The following SUCLG1 variants were observed in gnomAD, a reference collection of about 807,000 sequenced individuals.
SUCLG1 encodes succinate--CoA ligase [ADP/GDP-forming] subunit alpha, mitochondrial.
Under a neutral mutation model 37.3 loss-of-function variants are expected in SUCLG1, and 26 were observed. The ratio of observed to expected loss-of-function variants is 0.70; its 90% CI spans 0.51 to 0.97. The LOEUF (loss-of-function observed/expected upper bound fraction) is 0.97, where lower values mean the gene tolerates loss of function less well. SUCLG1 is among the 50% of genes least tolerant of loss of function. The pLI is 0.00. For missense variants in SUCLG1, 433 were observed against 432.9 expected (o/e 1.00, Z 0.00); for synonymous variants, 163 against 155.6 (o/e 1.05, Z -0.36).
At position 84,459,107 on chromosome 2, in the gene SUCLG1, A is replaced by G. The variant is rs572233395; in HGVS notation, c.97+66T>C. On this transcript the variant is annotated intron_variant, in intron 1 of 8. Transcript: ENST00000393868. ...TGAGGGCCCAGCCGCGGCCTGGGCC[A>G]GGAGGTTGGGTCCGGCGGGGCCAAT... 6.7e-5 allele frequency: 99 copies of G among 1,480,390 alleles called. 1 individual carries two copies. In the East Asian group the frequency reaches 2.5e-3, roughly 37 times the overall value. The allele number at this position is 1,480,390 out of a possible 1,614,324, so 91.7% of individuals were successfully genotyped here. A position where few individuals can be genotyped will look rare whatever the true frequency, so the allele number is the denominator to read the frequency against.
At chr2:84,442,107 C>T (rs1327594885) in intron 3 of SUCLG1, among the ~76,000 whole-genome samples, 2 of 150,134 alleles carry the variant, frequency 1.3e-5, no homozygotes, top group Non-Finnish European at 3.0e-5. Flanking sequence ...TTCCAAATGT[C>T]ACAACTATTT....
At chr2:84,454,104 G>A (rs1262132947) in intron 1 of SUCLG1, among the ~76,000 whole-genome samples, 1 of 151,926 alleles carries the variant, frequency 6.6e-6, no homozygotes, top group Non-Finnish European at 1.5e-5. Context: ...CCCAAAACTG[G>A]GTTTACAACC....
chr2:84,446,749 T>A (rs1672858525), intron 2 of SUCLG1, among the ~76,000 whole-genome samples: 1 of 152,124 alleles, frequency 6.6e-6, no homozygotes, highest in South Asian at 2.1e-4. Context: ...TTTAAAAAAG[T>A]AAAAATGTTT....
At chr2:84,443,583 T>C (rs1314693329) in intron 2 of SUCLG1, among the ~76,000 whole-genome samples, 183 bp from the exon 3 acceptor site, 3 of 152,194 alleles carry the variant, frequency 2.0e-5, no homozygotes, top group Admixed American at 6.5e-5. Context: ...AAAGCCAAAA[T>C]AGCTATAAAC....
intron 3 of SUCLG1, 152 bp downstream of exon 3, chr2:84,443,132 T>C (rs1672799732): frequency 1.3e-6 from 1 of 766,728 alleles, no homozygotes; most frequent in African/African-American, 1.7e-5. Flanking sequence ...AATAACACAC[T>C]GGTTTTGATG....
chr2:84,446,060 T>C (rs1672845648), intron 2 of SUCLG1, among the ~76,000 whole-genome samples: 1 of 152,248 alleles, frequency 6.6e-6, no homozygotes, highest in South Asian at 2.1e-4. Flanking sequence ...TGGAATATCC[T>C]TCCCTAAGAT....
At chr2:84,458,170 A>AT (rs998053961) in intron 1 of SUCLG1, among the ~76,000 whole-genome samples, 8 of 151,436 alleles carry the variant, frequency 5.3e-5, no homozygotes, top group Admixed American at 2.0e-4. Context: ...TAAAATGCAC[A>AT]TTTTTTTTCA....
At chr2:84,437,239 A>G (rs1028585456) in intron 5 of SUCLG1, among the ~76,000 whole-genome samples, 56 of 152,354 alleles carry the variant, frequency 3.7e-4, no homozygotes, top group African/African-American at 1.3e-3. Flanking sequence ...GATACAAACA[A>G]GATACTTTTA....
At chr2:84,452,351 G>A (rs1328859494) in intron 1 of SUCLG1, among the ~76,000 whole-genome samples, 1 of 152,048 alleles carries the variant, frequency 6.6e-6, no homozygotes, top group African/African-American at 2.4e-5. Flanking sequence ...ATACATTGGT[G>A]GCCAAACCAT....
intron 2 of SUCLG1, among the ~76,000 whole-genome samples, chr2:84,445,382 C>A (rs1672834758): frequency 1.3e-5 from 2 of 152,044 alleles, no homozygotes; most frequent in African/African-American, 4.8e-5. Context: ...CATGGCAATA[C>A]ATATCATCCA....
intron 7 of SUCLG1, 177 bp from the exon 8 acceptor site, chr2:84,425,780 G>C: frequency 1.5e-6 from 1 of 680,778 alleles, no homozygotes; most frequent in Non-Finnish European, 2.5e-6. Context: ...ATTCTCCTTT[G>C]AGTTAACTTT....
chr2:84,441,150 TC>T (rs1458013772), intron 4 of SUCLG1, 46 bp from the exon 5 acceptor site: 1 of 1,611,430 alleles, frequency 6.2e-7, no homozygotes, highest in Admixed American at 1.7e-5. Context: ...AAAAAGTCAC[TC>T]ACAGGTCATA....
intron 4 of SUCLG1, 51 bp downstream of exon 4, chr2:84,441,196 T>C: frequency 6.2e-7 from 1 of 1,612,916 alleles, no homozygotes; most frequent in Non-Finnish European, 8.5e-7. Context: ...CAAAGCTGTT[T>C]AGCCTTGTGA....
intron 6 of SUCLG1, among the ~76,000 whole-genome samples, chr2:84,431,976 T>A (rs968550133): frequency 6.6e-6 from 1 of 152,230 alleles, no homozygotes; most frequent in African/African-American, 2.4e-5. Flanking sequence ...TATTCCCAGA[T>A]AACTCCTTAG....
rs1375152243 is a variant in SUCLG1 at position 84,425,499 on chromosome 2, TCCA to T, written c.927_929del (p.Gly310del). The stretch of plus-strand genomic sequence containing the variant: ...GAAGGGCAGAGATCTTCTCTTTAGC[TCCA>T]CCTTTTCCTCCAGCAATAATTGCCC... On this transcript the variant is annotated inframe_deletion, in exon 8 of 9. Coordinates refer to ENST00000393868, the MANE Select transcript of SUCLG1 (RefSeq NM_003849.4). 6.2e-7 allele frequency: 1 copy of T among 1,614,092 alleles called. No individual in the cohort carries two copies. The highest frequency in any genetic ancestry group is 8.5e-7 in the Non-Finnish European group (1 of 1,180,056).
chr2:84,431,662 GA>G lies in SUCLG1; in HGVS notation c.674-4del. 1 of 1,613,716 alleles carries G rather than the reference GA, an allele frequency of 6.2e-7. No individual in the cohort carries two copies. Among genetic ancestry groups the G allele is most frequent in the South Asian group, 1.1e-5 (1 of 91,064 alleles). On this transcript the variant is annotated splice_polypyrimidine_tract_variant and splice_region_variant and intron_variant, in intron 6 of 8. Coordinates refer to ENST00000393868, the MANE Select transcript of SUCLG1 (RefSeq NM_003849.4). ...ATTAAAAGGATCACCTCCAATGCCT[GA>G]AAAAGTTGAAAAATATCAATAGCTG...
At chr2:84,424,150 G>C (rs572580297) in intron 8 of SUCLG1, among the ~76,000 whole-genome samples, 4 of 152,284 alleles carry the variant, frequency 2.6e-5, no homozygotes, top group African/African-American at 9.6e-5. Flanking sequence ...AGAAGGCAAT[G>C]GAAACAGGTT....
rs116199669 is a variant in SUCLG1, at chr2:84,450,980, T to G, written c.98-1228A>C. Among the ~76,000 whole-genome samples the G allele has an allele frequency of 6.7e-3, 1,022 of 152,324 alleles. 10 individuals carry two copies. Among genetic ancestry groups the G allele is most frequent in the Non-Finnish European group, 7.9e-3 (535 of 68,018 alleles). On this transcript the variant is annotated intron_variant, in intron 1 of 8. Transcript: ENST00000393868. ...CTAGACTGTGCTCAACAAGGGGCCA[T>G]GGGCTTTGCAGGTCAAGTTCTGGCA...
At chr2:84,423,955 C>G (rs1672493889) in intron 8 of SUCLG1, among the ~76,000 whole-genome samples, 183 bp from the exon 9 acceptor site, 1 of 152,204 alleles carries the variant, frequency 6.6e-6, no homozygotes, top group East Asian at 1.9e-4. Flanking sequence ...CTTTCAAAAT[C>G]AGTCTGTGTC....
Sources: gnomAD v4.1 joint callset for allele counts (sites outside exome capture counted in the v4.1 genomes callset) on GRCh38, gnomAD v4.1.1 for gene constraint, MANE v1.5 for transcripts, NCBI Gene and HGNC (gene_info 2026-07-23, HGNC 2026-07-21) for gene names.